Variants in NBAS observed in about 807,000 individuals in gnomAD.
NBAS encodes NAG/BC035112 fusion.
In NBAS, 219 loss-of-function variants were observed where a neutral mutation model predicts 302.5. The observed-to-expected ratio is 0.72, with a 90% CI of 0.65 to 0.81. NBAS has a LOEUF of 0.81. Ranked by LOEUF, NBAS falls within the 30% of genes least tolerant of loss-of-function variation. The pLI, the probability that NBAS is intolerant of heterozygous loss-of-function variation, is 0.00. For missense variants in NBAS, 2,932 were observed against 2,841.6 expected, an observed-to-expected ratio of 1.03 and a Z score of -0.72; for synonymous variants, 1,118 against 1,021.6, an observed-to-expected ratio of 1.09 and a Z score of -1.80.
chr2:15,485,217 A>C (rs1467999675), intron 12 of NBAS, among the ~76,000 whole-genome samples: 3 of 152,038 alleles, frequency 2.0e-5, no homozygotes, highest in Non-Finnish European at 1.5e-5. Flanking sequence ...AATCTGTATC[A>C]CATCCACCGA....
the NBAS span, among the ~76,000 whole-genome samples, chr2:15,003,565 T>C: frequency 6.6e-6 from 1 of 152,210 alleles, no homozygotes; most frequent in South Asian, 2.1e-4. Flanking sequence ...TACTATTTTA[T>C]GTAAACGGAC....
intron 47 of NBAS, among the ~76,000 whole-genome samples, chr2:15,225,684 A>G (rs962785494): frequency 1.3e-5 from 2 of 152,180 alleles, no homozygotes; most frequent in African/African-American, 2.4e-5. Context: ...AACCCCCCCA[A>G]AAAACTCAAT....
intron 42 of NBAS, among the ~76,000 whole-genome samples, chr2:15,283,745 T>C (rs994119507): frequency 6.6e-6 from 1 of 152,088 alleles, no homozygotes; most frequent in African/African-American, 2.4e-5. Flanking sequence ...CCCTCTAAGG[T>C]GAGGATAATG....
At chr2:14,806,984 G>T in the NBAS span, among the ~76,000 whole-genome samples, 1 of 151,888 alleles carries the variant, frequency 6.6e-6, no homozygotes, top group Non-Finnish European at 1.5e-5. Flanking sequence ...ATTTTCTTTT[G>T]TTTTCTTTGT....
chr2:15,110,593 C>T, the NBAS span, among the ~76,000 whole-genome samples: 3 of 152,168 alleles, frequency 2.0e-5, no homozygotes, highest in South Asian at 6.2e-4. Context: ...AATCTACATG[C>T]CAAATAGTGG....
chr2:15,189,494 A>G (rs1191078887), intron 49 of NBAS, among the ~76,000 whole-genome samples: 1 of 152,188 alleles, frequency 6.6e-6, no homozygotes. Context: ...GTCCTGAGCC[A>G]AACAGGCACT....
At chr2:14,896,662 G>T in the NBAS span, among the ~76,000 whole-genome samples, 3 of 152,040 alleles carry the variant, frequency 2.0e-5, no homozygotes, top group Non-Finnish European at 4.4e-5. Context: ...CAGTACTGCA[G>T]CTGCTACCGC....
intron 44 of NBAS, among the ~76,000 whole-genome samples, chr2:15,240,244 A>C (rs1291939622): frequency 6.6e-6 from 1 of 152,020 alleles, no homozygotes; most frequent in African/African-American, 2.4e-5. Flanking sequence ...GGCATGAGTG[A>C]CCACACCAGG....
chr2:15,360,058 G>C (rs1210025062), intron 32 of NBAS, among the ~76,000 whole-genome samples: 1 of 152,050 alleles, frequency 6.6e-6, no homozygotes, highest in Non-Finnish European at 1.5e-5. Context: ...AGAATTATGT[G>C]TATCTAAACA....
chr2:15,436,055 C>G (rs1677998026), intron 21 of NBAS, among the ~76,000 whole-genome samples: 1 of 152,108 alleles, frequency 6.6e-6, no homozygotes, highest in African/African-American at 2.4e-5. Flanking sequence ...AAACAATCCA[C>G]ATGAGCTCAA....
chr2:15,360,142 GGAGT>G lies in NBAS; in HGVS notation c.3818-3730_3818-3727del, dbSNP rs146299778. On this transcript the variant is annotated intron_variant, in intron 32 of 51. Coordinates refer to ENST00000281513, the MANE Select transcript of NBAS (RefSeq NM_015909.4). ...TCTGTATAGGACATTTACCATGGATGGAGTTTACAGGGCTGGAAGTTGCTCTGGG... is the reference window on the plus strand; with the variant it reads ...TCTGTATAGGACATTTACCATGGATGTTACAGGGCTGGAAGTTGCTCTGGG... Among the ~76,000 whole-genome samples the G allele has an allele frequency of 2.0e-3, 311 of 152,176 alleles. 1 individual carries two copies. The highest frequency in any genetic ancestry group is 7.3e-3 in the African/African-American group (303 of 41,526).
intron 19 of NBAS, 127 bp from the exon 20 acceptor site, chr2:15,461,918 C>T (rs1362808701): frequency 1.6e-6 from 1 of 638,966 alleles, no homozygotes; most frequent in Non-Finnish European, 2.8e-6. Flanking sequence ...TTAATTTCAA[C>T]CATCAATTGT....
chr2:15,012,276 A>C, the NBAS span, among the ~76,000 whole-genome samples: 1 of 152,128 alleles, frequency 6.6e-6, no homozygotes, highest in East Asian at 1.9e-4. Flanking sequence ...TGAAATAAAA[A>C]ATACAGTCAA....
chr2:14,976,935 A>G, the NBAS span, among the ~76,000 whole-genome samples: 3 of 152,224 alleles, frequency 2.0e-5, no homozygotes, highest in Non-Finnish European at 4.4e-5. Flanking sequence ...CCAGAATAGT[A>G]AGAAAATAAA....
chr2:14,977,183 A>T, the NBAS span, among the ~76,000 whole-genome samples: 1 of 152,206 alleles, frequency 6.6e-6, no homozygotes, highest in South Asian at 2.1e-4. Flanking sequence ...AAAAATGCTT[A>T]GATATGCAAA....
chr2:15,309,930 T>C (rs1173181045), intron 38 of NBAS, among the ~76,000 whole-genome samples: 1 of 152,248 alleles, frequency 6.6e-6, no homozygotes, highest in Non-Finnish European at 1.5e-5. Flanking sequence ...GGATGTATCC[T>C]ATTCATTTAG....
At chr2:15,288,889 G>T (rs1670178413) in intron 41 of NBAS, among the ~76,000 whole-genome samples, 1 of 152,154 alleles carries the variant, frequency 6.6e-6, no homozygotes, top group Non-Finnish European at 1.5e-5. Context: ...AATATTTCAG[G>T]CTTTACTGCC....
the NBAS span, among the ~76,000 whole-genome samples, chr2:15,100,349 A>G: frequency 6.6e-6 from 1 of 152,230 alleles, no homozygotes; most frequent in African/African-American, 2.4e-5. Context: ...TTATAAAGAT[A>G]GCTCACACGT....
the NBAS span, among the ~76,000 whole-genome samples, chr2:15,009,279 AAT>A: frequency 6.6e-6 from 1 of 152,178 alleles, no homozygotes; most frequent in African/African-American, 2.4e-5. Flanking sequence ...CTACAATGGC[AAT>A]GTCAAGGACT....
Sources: allele counts gnomAD v4.1 joint callset (sites outside exome capture counted in the v4.1 genomes callset), GRCh38; gene constraint gnomAD v4.1.1; transcripts MANE v1.5; gene names NCBI Gene and HGNC (gene_info 2026-07-23, HGNC 2026-07-21).